The following SCHIP1 variants were observed in gnomAD, a reference collection of about 807,000 sequenced individuals.
The protein encoded by SCHIP1 is schwannomin-interacting protein 1.
In SCHIP1, 8 loss-of-function variants were observed where a neutral mutation model predicts 29.7. The observed-to-expected ratio is 0.27, with a 90% CI of 0.16 to 0.49. The LOEUF is 0.49. Among genes scored for constraint, SCHIP1 ranks in the 20% least tolerant of loss-of-function variants. The pLI, the probability that SCHIP1 is intolerant of heterozygous loss-of-function variation, is 0.99. For missense variants in SCHIP1, 193 were observed against 294.6 expected, an observed-to-expected ratio of 0.66 and a Z score of 2.52; for synonymous variants, 76 against 94.9, an observed-to-expected ratio of 0.80 and a Z score of 1.16.
the SCHIP1 span, among the ~76,000 whole-genome samples, chr3:159,277,581 G>A: frequency 6.6e-6 from 1 of 151,978 alleles, no homozygotes; most frequent in African/African-American, 2.4e-5. Flanking sequence ...ACTAGTAAGG[G>A]ACCTCAACAC....
the SCHIP1 span, among the ~76,000 whole-genome samples, chr3:159,553,846 G>A: frequency 6.6e-6 from 1 of 152,148 alleles, no homozygotes; most frequent in African/African-American, 2.4e-5. Context: ...TGTCGCCCAG[G>A]CTGGAGTGCA....
At chr3:159,886,010 C>T (rs931325271) in intron 2 of SCHIP1, among the ~76,000 whole-genome samples, 197 bp from the exon 4 acceptor site, 3 of 152,136 alleles carry the variant, frequency 2.0e-5, no homozygotes, top group South Asian at 2.1e-4. Context: ...ATGAAACTGG[C>T]GAGGAAAAAA....
the SCHIP1 span, among the ~76,000 whole-genome samples, chr3:159,769,829 A>G: frequency 6.6e-6 from 1 of 152,256 alleles, no homozygotes; most frequent in Non-Finnish European, 1.5e-5. Context: ...GTTAAAATGT[A>G]CAATTTGATG....
chr3:159,427,128 T>A, the SCHIP1 span, among the ~76,000 whole-genome samples: 2 of 152,148 alleles, frequency 1.3e-5, no homozygotes, highest in African/African-American at 4.8e-5. Context: ...GCATTCCCTT[T>A]GAAAACTGGC....
rs143097474 is a variant in SCHIP1, at chr3:159,845,161, C to T, written c.30+4947C>T. Among the ~76,000 whole-genome samples, 220 of 152,304 alleles carry T rather than the reference C, an allele frequency of 1.4e-3. 2 individuals carry two copies. Among genetic ancestry groups the T allele is most frequent in the African/African-American group, 5.0e-3 (209 of 41,564 alleles). ...TGCCATCAGTTCTTAGCTGCAATGC[C>T]TCAGGCTGAGATGTCTCCTACCCAC... On this transcript the variant is annotated intron_variant, in intron 1 of 6. Transcript: ENST00000445224.
the SCHIP1 span, among the ~76,000 whole-genome samples, chr3:159,800,835 G>A: frequency 2.6e-5 from 4 of 151,008 alleles, no homozygotes; most frequent in African/African-American, 9.7e-5. Flanking sequence ...CAAATGGAGA[G>A]TGAAAGTGGG....
the SCHIP1 span, among the ~76,000 whole-genome samples, chr3:159,415,708 G>T: frequency 1.3e-5 from 2 of 152,078 alleles, no homozygotes; most frequent in African/African-American, 2.4e-5. Context: ...GGGCATTTAG[G>T]TTAATTCCAA....
At chr3:159,648,256 C>T in the SCHIP1 span, among the ~76,000 whole-genome samples, 4 of 152,250 alleles carry the variant, frequency 2.6e-5, no homozygotes, top group South Asian at 8.3e-4. Context: ...CACACCTCTG[C>T]CCTGATGTCA....
the SCHIP1 span, among the ~76,000 whole-genome samples, chr3:159,278,861 G>A: frequency 2.0e-4 from 30 of 152,184 alleles, no homozygotes; most frequent in Admixed American, 3.3e-4. Flanking sequence ...GAAAGGGGAA[G>A]CAATACAGTG....
chr3:159,673,814 C>A, the SCHIP1 span, among the ~76,000 whole-genome samples: 41 of 152,294 alleles, frequency 2.7e-4, no homozygotes, highest in East Asian at 7.7e-3. Context: ...ACATGTGCAG[C>A]CTCATTTAAC....
At chr3:159,430,275 T>A in the SCHIP1 span, among the ~76,000 whole-genome samples, 1 of 152,208 alleles carries the variant, frequency 6.6e-6, no homozygotes, top group East Asian at 1.9e-4. Context: ...TTTATTATTT[T>A]CTAATGGAAA....
the SCHIP1 span, among the ~76,000 whole-genome samples, chr3:159,298,098 A>T: frequency 6.6e-6 from 1 of 152,332 alleles, no homozygotes; most frequent in Admixed American, 6.5e-5. Flanking sequence ...TGCCTGGCAC[A>T]TGGCCACCCC....
chr3:159,425,401 G>C, the SCHIP1 span, among the ~76,000 whole-genome samples: 1 of 150,672 alleles, frequency 6.6e-6, no homozygotes, highest in Admixed American at 6.6e-5. Context: ...CCTAGTCTCT[G>C]ATAAAACAGA....
exon 1 of SCHIP1, chr3:159,839,957 A>T (rs776880141): frequency 7.1e-7 from 1 of 1,416,778 alleles, no homozygotes; most frequent in African/African-American, 1.5e-5. Context: ...AGCCTGCCTC[A>T]CTGGTTTCGG....
At chr3:159,853,319 C>G in intron 1 of SCHIP1, 1 of 655,436 alleles carries the variant, frequency 1.5e-6, no homozygotes, top group Non-Finnish European at 2.8e-6. Context: ...GCAATTGGCA[C>G]ATCAGCCTAT....
At chr3:159,635,694 GTTTCAGCTTACTCTCATTTCAACA>G in the SCHIP1 span, among the ~76,000 whole-genome samples, 4 of 152,092 alleles carry the variant, frequency 2.6e-5, no homozygotes, top group South Asian at 2.1e-4. Flanking sequence ...ACATTTAAAT[GTTTCAGCTTACTCTCATTTCAACA>G]TTTCAGCTTA....
chr3:159,808,605 TC>T, the SCHIP1 span: 1 of 152,222 alleles, frequency 6.6e-6, no homozygotes, highest in Non-Finnish European at 1.5e-5. Flanking sequence ...GTCTTTCTCC[TC>T]ATCTAGCCAG....
the SCHIP1 span, among the ~76,000 whole-genome samples, chr3:159,499,460 T>C: frequency 2.6e-5 from 4 of 152,246 alleles, no homozygotes; most frequent in Non-Finnish European, 4.4e-5. Context: ...TAAGTAGTCA[T>C]ACGGATCCAC....
the SCHIP1 span, among the ~76,000 whole-genome samples, chr3:159,584,781 A>G: frequency 6.6e-6 from 1 of 152,096 alleles, no homozygotes; most frequent in Non-Finnish European, 1.5e-5. Context: ...GCCCTGATGC[A>G]TGCTGAAGTA....
Sources: gnomAD v4.1 joint callset for allele counts (sites outside exome capture counted in the v4.1 genomes callset) on GRCh38, gnomAD v4.1.1 for gene constraint, MANE v1.5 for transcripts, NCBI Gene and HGNC (gene_info 2026-07-23, HGNC 2026-07-21) for gene names.